Variants in ANKDD1A observed in about 807,000 individuals in gnomAD.
The protein encoded by ANKDD1A is ankyrin repeat and death domain-containing protein 1A.
Under a neutral mutation model 63.5 loss-of-function variants are expected in ANKDD1A, and 59 were observed. The ratio of observed to expected loss-of-function variants is 0.93; its 90% CI spans 0.75 to 1.15. The LOEUF (loss-of-function observed/expected upper bound fraction) is 1.15. Ranked by LOEUF, ANKDD1A falls within the 50% of genes most tolerant of loss-of-function variation. The pLI is 0.00. For missense variants in ANKDD1A, 632 were observed against 656.4 expected (o/e 0.96, Z 0.41); for synonymous variants, 266 against 263.9 (o/e 1.01, Z -0.08).
intron 3 of ANKDD1A, 149 bp from the exon 4 acceptor site, chr15:64,921,772 C>A: frequency 1.7e-6 from 1 of 602,088 alleles, no homozygotes; most frequent in Non-Finnish European, 2.9e-6. Context: ...AAATCTTGGT[C>A]TTTAAACTCC....
At chr15:64,951,584 TC>T (rs1429114546) in intron 14 of ANKDD1A, 3 of 45,630 alleles carry the variant, frequency 6.6e-5, no homozygotes, top group Admixed American at 2.2e-4. Context: ...TTCTTCTTCT[TC>T]CTTTTCTTTC....
chr15:64,943,681 G>A, intron 11 of ANKDD1A, 99 bp downstream of exon 11: 3 of 1,135,812 alleles, frequency 2.6e-6, no homozygotes, highest in Middle Eastern at 2.2e-4. Flanking sequence ...TTCTCAGGGT[G>A]TTCAAGGACT....
intron 14 of ANKDD1A, among the ~76,000 whole-genome samples, chr15:64,952,474 CCTTCTTCTT>C (rs575821388): frequency 6.9e-6 from 1 of 145,018 alleles, no homozygotes; most frequent in African/African-American, 2.6e-5. Context: ...TCTTCCTTCT[CCTTCTTCTT>C]CCTTCGTCAC....
At chr15:64,924,891 T>C (rs2085034187) in intron 4 of ANKDD1A, among the ~76,000 whole-genome samples, 1 of 152,118 alleles carries the variant, frequency 6.6e-6, no homozygotes, top group Non-Finnish European at 1.5e-5. Flanking sequence ...GAAGTGTCCT[T>C]CTCATCCTTT....
chr15:64,922,112 C>T (rs1390753234), intron 4 of ANKDD1A, 93 bp downstream of exon 4: 2 of 1,097,268 alleles, frequency 1.8e-6, no homozygotes, highest in African/African-American at 1.6e-5. Context: ...CCCTGCTTGC[C>T]CCTCCAGCCC....
chr15:64,950,202 A>G, intron 14 of ANKDD1A: 1 of 985,258 alleles, frequency 1.0e-6, no homozygotes, highest in East Asian at 1.1e-4. Flanking sequence ...GAACCCTGTG[A>G]CCTTCACAGC....
intron 14 of ANKDD1A, among the ~76,000 whole-genome samples, chr15:64,954,564 CCTTGTT>C (rs1315614810): frequency 7.3e-6 from 1 of 137,118 alleles, no homozygotes; most frequent in African/African-American, 2.7e-5. Context: ...TCTTCCTTCT[CCTTGTT>C]CTCCTTCTTC....
chr15:64,954,748 T>C (rs1230265667), intron 14 of ANKDD1A, among the ~76,000 whole-genome samples: 1 of 123,264 alleles, frequency 8.1e-6, no homozygotes, highest in Non-Finnish European at 1.9e-5. Context: ...CTTCTCCTTC[T>C]TCTTTCTTTT....
chr15:64,953,347 CT>C (rs970993968), intron 14 of ANKDD1A, among the ~76,000 whole-genome samples: 13 of 148,346 alleles, frequency 8.8e-5, no homozygotes, highest in Non-Finnish European at 1.2e-4. Context: ...TCCTCTCCTT[CT>C]TCTTAGTTCT....
chr15:64,940,661 A>G (rs1419753288), intron 9 of ANKDD1A, among the ~76,000 whole-genome samples: 9 of 151,150 alleles, frequency 6.0e-5, no homozygotes, highest in Admixed American at 6.0e-4. Flanking sequence ...GATGGTCTCG[A>G]TCTCCTGACC....
chr15:64,911,959 ACGGC>A lies in ANKDD1A; in HGVS notation c.32_34+1del. 7 of 927,172 alleles carry A rather than the reference ACGGC, an allele frequency of 7.5e-6. No individual in the cohort carries two copies. The highest frequency in any genetic ancestry group is 7.9e-6 in the Non-Finnish European group (6 of 760,836). The allele number at this position is 927,172 out of a possible 1,614,324, so 57.4% of individuals were successfully genotyped here. On this transcript the variant is annotated frameshift_variant and splice_region_variant, in exon 1 of 15. Transcript: ENST00000319580. LOFTEE classifies it high-confidence loss of function. Reference sequence around the variant, plus strand: ...CAGGAGGAGCTGGCGTGGGAGACCGACGGCCGTGAGTCTGCCTGGAGGAGGGAGG... The same window carrying A: ...CAGGAGGAGCTGGCGTGGGAGACCGACGTGAGTCTGCCTGGAGGAGGGAGG...
chr15:64,953,621 C>CTTAGTTCTTAG (rs1555397865), intron 14 of ANKDD1A, among the ~76,000 whole-genome samples: 1 of 27,886 alleles, frequency 3.6e-5, no homozygotes, highest in Admixed American at 6.6e-4. Context: ...TCTCCTTCTT[C>CTTAGTTCTTAG]TTCTTCTTCC....
chr15:64,926,514 G>A (rs1208625551), intron 5 of ANKDD1A, among the ~76,000 whole-genome samples: 1 of 152,152 alleles, frequency 6.6e-6, no homozygotes, highest in Admixed American at 6.5e-5. Context: ...AAATGGAAGA[G>A]CGAGGCTTGT....
intron 14 of ANKDD1A, among the ~76,000 whole-genome samples, chr15:64,954,935 TTCTTGTC>T (rs1439852607): frequency 4.0e-5 from 6 of 149,122 alleles, no homozygotes; most frequent in South Asian, 2.1e-4. Flanking sequence ...CTTCTCCTTC[TTCTTGTC>T]TCTTCTTCTC....
At chr15:64,946,819 T>G (rs1013222756) in intron 12 of ANKDD1A, among the ~76,000 whole-genome samples, 2 of 152,202 alleles carry the variant, frequency 1.3e-5, no homozygotes, top group African/African-American at 4.8e-5. Flanking sequence ...GATGATTTTT[T>G]TCACCCTGAA....
At chr15:64,940,394 T>TGATTGATA (rs1012097890) in intron 9 of ANKDD1A, among the ~76,000 whole-genome samples, 3 of 92,946 alleles carry the variant, frequency 3.2e-5, no homozygotes, top group Non-Finnish European at 4.9e-5. Flanking sequence ...ATAGGATGAT[T>TGATTGATA]GATAGATAGA....
chr15:64,955,955 G>A (rs2085412893), intron 14 of ANKDD1A, among the ~76,000 whole-genome samples: 1 of 152,148 alleles, frequency 6.6e-6, no homozygotes, highest in Non-Finnish European at 1.5e-5. Flanking sequence ...GCAAAAGATT[G>A]GAAACAAACC....
chr15:64,951,136 A>G (rs4776654), intron 14 of ANKDD1A: 111,754 of 1,145,980 alleles, frequency 0.098, 5,678 homozygotes, highest in Admixed American at 0.14. Context: ...AGGTGATTCT[A>G]CTGAAATGCA....
chr15:64,953,926 CT>C (rs1566918117), intron 14 of ANKDD1A, among the ~76,000 whole-genome samples: 5 of 9,644 alleles, frequency 5.2e-4, no homozygotes, highest in Non-Finnish European at 7.8e-4. Context: ...TTCTCTTTTT[CT>C]TTTTTCTTTT....
Sources: allele counts gnomAD v4.1 joint callset (sites outside exome capture counted in the v4.1 genomes callset), GRCh38; gene constraint gnomAD v4.1.1; transcripts MANE v1.5; gene names NCBI Gene and HGNC (gene_info 2026-07-23, HGNC 2026-07-21).